RAB6B: variants seen among roughly 807,000 people sequenced by gnomAD.
RAB6B encodes the protein ras-related protein Rab-6B.
In RAB6B, 7 loss-of-function variants were observed where a neutral mutation model predicts 31.2. The observed-to-expected ratio is 0.22, with a 90% CI of 0.13 to 0.42. The LOEUF is 0.42. Ranked by LOEUF, RAB6B falls within the 10% of genes least tolerant of loss-of-function variation. The probability of loss-of-function intolerance (pLI) is 1.00; values close to 1 mark genes in which losing one functional copy is unlikely to be tolerated. For synonymous variants in RAB6B, 105 were observed against 104.9 expected (o/e 1.00, Z -0.01); for missense variants, 149 against 280.6 (o/e 0.53, Z 3.35).
At chr3:133,853,961 GC>G (rs1936038116) in intron 2 of RAB6B, among the ~76,000 whole-genome samples, 1 of 152,204 alleles carries the variant, frequency 6.6e-6, no homozygotes, top group Non-Finnish European at 1.5e-5. Context: ...GTGAAACACA[GC>G]CCCATGAGAC....
In RAB6B at chr3:133,841,278, C is replaced by T. The variant is rs1370004401; in HGVS notation, c.289+7G>A. On this transcript the variant is annotated splice_region_variant and intron_variant, in intron 4 of 7. Coordinates refer to ENST00000285208, the MANE Select transcript of RAB6B (RefSeq NM_016577.4). The stretch of plus-strand genomic sequence containing the variant: ...CCACCCTCCCTTAGGAGCAGAGCCT[C>T]ACTCACTTGTGATGTCGTACACCAC... 4.3e-6 allele frequency: 7 copies of T among 1,613,978 alleles called. No homozygotes were observed. The highest frequency in any genetic ancestry group is 5.9e-6 in the Non-Finnish European group (7 of 1,179,954).
chr3:133,838,061 C>A, intron 6 of RAB6B, 105 bp downstream of exon 6: 1 of 1,206,134 alleles, frequency 8.3e-7, no homozygotes, highest in Non-Finnish European at 1.2e-6. Context: ...CTGCCCCAAT[C>A]CCATCACCAG....
At chr3:133,864,692 C>T in intron 1 of RAB6B, 50 bp from the exon 2 acceptor site, 2 of 1,511,044 alleles carry the variant, frequency 1.3e-6, no homozygotes, top group Non-Finnish European at 1.8e-6. Context: ...CTGAGCTAGG[C>T]TCTTCTAAAC....
intron 1 of RAB6B, among the ~76,000 whole-genome samples, chr3:133,886,614 T>C (rs1304149662): frequency 6.6e-6 from 1 of 152,108 alleles, no homozygotes; most frequent in Non-Finnish European, 1.5e-5. Flanking sequence ...TCCATCTGTG[T>C]AAAAGCCTTC....
intron 2 of RAB6B, among the ~76,000 whole-genome samples, chr3:133,854,062 C>T (rs1027566545): frequency 2.6e-5 from 4 of 152,182 alleles, no homozygotes; most frequent in Non-Finnish European, 5.9e-5. Context: ...TTAGTAAAGC[C>T]TCTCATAAGG....
intron 7 of RAB6B, among the ~76,000 whole-genome samples, chr3:133,832,448 C>T (rs1162378587): frequency 6.6e-6 from 1 of 152,192 alleles, no homozygotes; most frequent in Admixed American, 6.5e-5. Flanking sequence ...AAGTCCTGAG[C>T]TGAGCAAGTG....
At chr3:133,846,832 T>C (rs550988617) in intron 2 of RAB6B, among the ~76,000 whole-genome samples, 1 of 152,290 alleles carries the variant, frequency 6.6e-6, no homozygotes, top group African/African-American at 2.4e-5. Context: ...ACAAAAACCC[T>C]GTCAGCCTAG....
intron 7 of RAB6B, among the ~76,000 whole-genome samples, 198 bp from the exon 8 acceptor site, chr3:133,829,050 C>T (rs1179708239): frequency 6.6e-6 from 1 of 152,188 alleles, no homozygotes; most frequent in African/African-American, 2.4e-5. Flanking sequence ...CCACTTCCCC[C>T]AGCGCCTGTC....
intron 1 of RAB6B, among the ~76,000 whole-genome samples, chr3:133,872,522 T>C (rs1272218188): frequency 6.6e-6 from 1 of 152,224 alleles, no homozygotes; most frequent in East Asian, 1.9e-4. Flanking sequence ...CTGAACCTTG[T>C]TTCCTTTGGC....
At chr3:133,864,455 G>A in intron 2 of RAB6B, 129 bp downstream of exon 2, 1 of 892,586 alleles carries the variant, frequency 1.1e-6, no homozygotes. Context: ...ATAGAGGTGG[G>A]AAGCTCCTCC....
In RAB6B at chr3:133,895,827, A is replaced by T. The variant is rs1168060409; in HGVS notation, c.-361T>A. 8.6e-6 allele frequency: 2 copies of T among 233,388 alleles called. No homozygotes were observed. The highest frequency in any genetic ancestry group is 3.2e-4 in the South Asian group (2 of 6,288). The allele number at this position is 233,388 out of a possible 1,614,324, so 14.5% of individuals were successfully genotyped here. A position where few individuals can be genotyped will look rare whatever the true frequency, so the allele number is the denominator to read the frequency against. On this transcript the variant is annotated 5_prime_UTR_variant, in exon 1 of 8. Transcript: ENST00000285208. ...CGCGGGGCGGAGGAGCGCTCTCCAG[A>T]GCCGCGCCAGTCGGCCCCCTCCCGC...
chr3:133,844,604 A>G (rs904184937), intron 2 of RAB6B, among the ~76,000 whole-genome samples: 4 of 152,226 alleles, frequency 2.6e-5, no homozygotes, highest in Admixed American at 6.5e-5. Flanking sequence ...ATCTGGAAAA[A>G]TACAAGAAAT....
chr3:133,831,287 C>T lies in RAB6B; in HGVS notation c.563-2435G>A, dbSNP rs116393910. Among the ~76,000 whole-genome samples, 409 of 152,278 alleles carry T rather than the reference C, an allele frequency of 2.7e-3. 3 individuals are homozygous for T. Among genetic ancestry groups the T allele is most frequent in the African/African-American group, 9.4e-3 (389 of 41,562 alleles). On this transcript the variant is annotated intron_variant, in intron 7 of 7. Coordinates refer to ENST00000285208, the MANE Select transcript of RAB6B (RefSeq NM_016577.4). The stretch of plus-strand genomic sequence containing the variant: ...TGGAGAGTCCCAATGCACAGACATC[C>T]GGGAAACCAATTCTACTGATACTTC...
At chr3:133,845,688 A>G (rs1935898948) in intron 2 of RAB6B, among the ~76,000 whole-genome samples, 1 of 152,220 alleles carries the variant, frequency 6.6e-6, no homozygotes, top group African/African-American at 2.4e-5. Context: ...CTTCAGAGGA[A>G]GGTAACAAAA....
At chr3:133,890,329 G>A (rs1936620263) in intron 1 of RAB6B, among the ~76,000 whole-genome samples, 1 of 152,124 alleles carries the variant, frequency 6.6e-6, no homozygotes, top group Non-Finnish European at 1.5e-5. Flanking sequence ...ATCCAGCTGG[G>A]CACCATGGCT....
At chr3:133,828,962 G>A in intron 7 of RAB6B, 110 bp from the exon 8 acceptor site, 1 of 1,055,842 alleles carries the variant, frequency 9.5e-7, no homozygotes, top group Non-Finnish European at 1.4e-6. Context: ...CAAACACCTA[G>A]GGACTTGGCT....
intron 2 of RAB6B, among the ~76,000 whole-genome samples, chr3:133,861,079 T>C (rs1349407958): frequency 6.6e-6 from 1 of 152,090 alleles, no homozygotes; most frequent in Non-Finnish European, 1.5e-5. Flanking sequence ...GTGGCATGAG[T>C]ACAGGTTTCA....
intron 6 of RAB6B, 148 bp downstream of exon 6, chr3:133,838,018 C>G: frequency 1.3e-6 from 1 of 798,498 alleles, no homozygotes; most frequent in Non-Finnish European, 2.1e-6. Context: ...TAGCTCTCCC[C>G]TCCCTGGGCG....
At chr3:133,846,691 A>C (rs894083983) in intron 2 of RAB6B, among the ~76,000 whole-genome samples, 1 of 152,340 alleles carries the variant, frequency 6.6e-6, no homozygotes, top group African/African-American at 2.4e-5. Flanking sequence ...CAGCCAGAAA[A>C]CAGAACAACA....
Sources: allele counts gnomAD v4.1 joint callset (sites outside exome capture counted in the v4.1 genomes callset), GRCh38; gene constraint gnomAD v4.1.1; transcripts MANE v1.5; gene names NCBI Gene and HGNC (gene_info 2026-07-23, HGNC 2026-07-21).